Variants in KSR1 observed in about 807,000 individuals in gnomAD.
The protein encoded by KSR1 is kinase suppressor of ras 1, also known as kinase suppressor of ras.
A neutral mutation model predicts 92.9 loss-of-function variants in KSR1; 35 were observed. That is an observed-to-expected ratio of 0.38 (90% CI 0.29 to 0.50). The LOEUF is 0.50. Among genes scored for constraint, KSR1 ranks in the 20% least tolerant of loss-of-function variants. KSR1 has a pLI of 0.94. For missense variants in KSR1, 972 were observed against 1,158.5 expected (o/e 0.84, Z 2.34); for synonymous variants, 467 against 472.6 (o/e 0.99, Z 0.15).
rs796971784 is a variant in KSR1 at position 27,458,380 on chromosome 17, C to A, written c.231+1506C>A. ...TGGCAGAGTGTGCGTGGTTGGACTT[C>A]GGTGTTGCTGGGCTTGGAGAATGCT... is the stretch of plus-strand genomic sequence containing the variant. On this transcript the variant is annotated intron_variant, in intron 1 of 20. Transcript: ENST00000644974. 2.6e-5 allele frequency among the ~76,000 whole-genome samples: 4 copies of A among 152,130 alleles called. No individual in the cohort carries two copies. In the East Asian group the frequency reaches 7.7e-4, roughly 29 times the overall value.
At chr17:27,532,520 CG>C (rs1200138068) in intron 1 of KSR1, among the ~76,000 whole-genome samples, 1 of 152,204 alleles carries the variant, frequency 6.6e-6, no homozygotes, top group Non-Finnish European at 1.5e-5. Flanking sequence ...ACAGTGAGTG[CG>C]TGCATCTCCG....
chr17:27,546,914 G>A (rs1343494275), intron 1 of KSR1, among the ~76,000 whole-genome samples: 1 of 152,188 alleles, frequency 6.6e-6, no homozygotes, highest in Non-Finnish European at 1.5e-5. Context: ...CTGAACCTCA[G>A]CAGTGTGTTT....
chr17:27,570,115 G>T (rs2072247865), intron 2 of KSR1, among the ~76,000 whole-genome samples: 1 of 152,200 alleles, frequency 6.6e-6, no homozygotes, highest in Non-Finnish European at 1.5e-5. Context: ...TCCTGCAGCT[G>T]CTTTAAACCC....
intron 16 of KSR1, chr17:27,609,734 C>G (rs961298226): frequency 2.7e-5 from 9 of 339,288 alleles, no homozygotes; most frequent in Admixed American, 1.3e-4. Context: ...CAGCCCCAGC[C>G]AAGTTTGAGA....
intron 1 of KSR1, among the ~76,000 whole-genome samples, chr17:27,535,421 A>T (rs1219714955): frequency 6.6e-6 from 1 of 151,862 alleles, no homozygotes; most frequent in East Asian, 1.9e-4. Flanking sequence ...CTCATTTGAA[A>T]CTCAGCATGG....
Position 27,566,241 on chromosome 17 carries a change from C to T in KSR1, c.373-11251C>T, listed in dbSNP as rs1439393298. ...CTGGGTGCCTGGTCCCCAGCCCCTG[C>T]TGCAGGGCCTGCTGGAGCCTGCACA... On this transcript the variant is annotated intron_variant, in intron 2 of 20. Transcript: ENST00000644974. 2.1e-5 allele frequency: 8 copies of T among 375,752 alleles called. No individual in the cohort carries two copies. In the East Asian group the frequency reaches 3.1e-4, roughly 14 times the overall value. The allele number at this position is 375,752 out of a possible 1,614,324, so 23.3% of individuals were successfully genotyped here. A position where few individuals can be genotyped will look rare whatever the true frequency, so the allele number is the denominator to read the frequency against.
intron 11 of KSR1, among the ~76,000 whole-genome samples, chr17:27,602,246 A>G (rs908600302): frequency 1.1e-4 from 16 of 152,146 alleles, no homozygotes; most frequent in African/African-American, 3.6e-4. Context: ...AGGACCATCC[A>G]TATGGCGTTG....
chr17:27,570,137 C>T (rs1295232040), intron 2 of KSR1, among the ~76,000 whole-genome samples: 2 of 152,220 alleles, frequency 1.3e-5, no homozygotes, highest in Non-Finnish European at 2.9e-5. Flanking sequence ...ACTGCCAGAG[C>T]TCACCCTAGC....
At chr17:27,599,376 G>A (rs1399319517) in intron 10 of KSR1, among the ~76,000 whole-genome samples, 3 of 152,122 alleles carry the variant, frequency 2.0e-5, no homozygotes, top group Non-Finnish European at 4.4e-5. Context: ...TGGCCAACAT[G>A]GTGAAACCCC....
rs1171415830 is a variant in KSR1, at chr17:27,625,436, G to A, written c.*2044G>A. On this transcript the variant is annotated 3_prime_UTR_variant, in exon 21 of 21. Transcript: ENST00000644974. Reference sequence around the variant, plus strand: ...GTCTTCTGCAAGTGCTGGGCACCTAGAGATAGGAACAGTCATGGTCCCTGC... The same window carrying A: ...GTCTTCTGCAAGTGCTGGGCACCTAAAGATAGGAACAGTCATGGTCCCTGC... The A allele has an allele frequency of 1.3e-5, 2 of 152,272 alleles. No individual in the cohort carries two copies. The highest frequency in any genetic ancestry group is 3.8e-4 in the East Asian group (2 of 5,202). 9.4% of individuals were successfully genotyped at this position (152,272 alleles called of 1,614,324 possible). A position where few individuals can be genotyped will look rare whatever the true frequency, so the allele number is the denominator to read the frequency against.
intron 1 of KSR1, among the ~76,000 whole-genome samples, chr17:27,526,054 C>T (rs919342282): frequency 0.027 from 559 of 20,682 alleles, 4 homozygotes; most frequent in Non-Finnish European, 0.034. Context: ...TTCTCTCTCT[C>T]TCTCTCTCTT....
chr17:27,607,861 G>A (rs2073803757), intron 14 of KSR1, 53 bp from the exon 15 acceptor site: 3 of 1,364,500 alleles, frequency 2.2e-6, no homozygotes, highest in Admixed American at 1.9e-5. Flanking sequence ...CCAGGGTTGG[G>A]GTCAGGCCGC....
intron 13 of KSR1, among the ~76,000 whole-genome samples, chr17:27,605,124 T>TCTATG (rs1260780144): frequency 6.6e-6 from 1 of 152,248 alleles, no homozygotes; most frequent in African/African-American, 2.4e-5. Context: ...GTGAAATTCT[T>TCTATG]CTATGCCAGG....
chr17:27,568,328 G>A (rs1056499223), intron 2 of KSR1, among the ~76,000 whole-genome samples: 11 of 152,228 alleles, frequency 7.2e-5, no homozygotes, highest in South Asian at 2.1e-4. Context: ...CAGACCTCAC[G>A]TGCTAAACAC....
chr17:27,593,023 C>A (rs903143986), intron 9 of KSR1, among the ~76,000 whole-genome samples: 1 of 152,230 alleles, frequency 6.6e-6, no homozygotes, highest in Non-Finnish European at 1.5e-5. Context: ...TGCCCAGCCC[C>A]AAAACCTGGG....
At chr17:27,574,597 T>C (rs1251569472) in intron 2 of KSR1, among the ~76,000 whole-genome samples, 5 of 152,196 alleles carry the variant, frequency 3.3e-5, no homozygotes, top group African/African-American at 1.2e-4. Context: ...AGCTCCAGCC[T>C]TGCTATGGGA....
chr17:27,520,336 T>C (rs904873594), intron 1 of KSR1, among the ~76,000 whole-genome samples: 18 of 152,288 alleles, frequency 1.2e-4, no homozygotes, highest in African/African-American at 3.8e-4. Context: ...CCAAGTGGTT[T>C]CTGTATGTTA....
chr17:27,525,867 A>G (rs2070239967), intron 1 of KSR1, among the ~76,000 whole-genome samples: 1 of 152,192 alleles, frequency 6.6e-6, no homozygotes, highest in African/African-American at 2.4e-5. Flanking sequence ...CCTAAACATC[A>G]AACTGGAGAA....
In KSR1 at chr17:27,592,408, T is replaced by C. The variant is rs1165162135; in HGVS notation, c.1178T>C (p.Ile393Thr). 6.2e-7 allele frequency: 1 copy of C among 1,613,868 alleles called. No homozygotes were observed. The highest frequency in any genetic ancestry group is 8.5e-7 in the Non-Finnish European group (1 of 1,179,878). ...KCTKEAPACRISFLPLTRLRR... is the reference protein window; with the variant it reads ...KCTKEAPACRTSFLPLTRLRR... ...ACCAAAGAAGCCCCTGCCTGTAGAA[T>C]ATCCTTCCTGCCACGTGAGTTTTCT... Residue 393 changes from isoleucine (I) to threonine (T), a missense_variant, in exon 8 of 21, where the codon ATA becomes ACA. Physicochemically the swap from Ile to Thr is moderately conservative, Grantham distance 89. Transcript: ENST00000644974.
Sources: allele counts gnomAD v4.1 joint callset (sites outside exome capture counted in the v4.1 genomes callset), GRCh38; gene constraint gnomAD v4.1.1; transcripts MANE v1.5; gene names NCBI Gene and HGNC (gene_info 2026-07-23, HGNC 2026-07-21).